ACSBG2: variants seen among roughly 807,000 people sequenced by gnomAD.
The protein encoded by ACSBG2 is acyl-CoA synthetase bubblegum family member 2.
Under a neutral mutation model 74.7 loss-of-function variants are expected in ACSBG2, and 62 were observed. The observed-to-expected ratio is 0.83, with a 90% confidence interval of 0.68 to 1.03. The LOEUF is 1.03. Among genes scored for constraint, ACSBG2 ranks in the 50% least tolerant of loss-of-function variants. The pLI, the probability that ACSBG2 is intolerant of heterozygous loss-of-function variation, is 0.00. For synonymous variants in ACSBG2, 309 were observed against 294.1 expected (o/e 1.05, Z -0.52); for missense variants, 730 against 817.6 (o/e 0.89, Z 1.31).
intron 14 of ACSBG2, chr19:6,191,309 A>C (rs2090556944): frequency 6.6e-6 from 1 of 150,904 alleles, no homozygotes; most frequent in Non-Finnish European, 1.5e-5. Context: ...CAATTGTCCT[A>C]TAGGCTGCCT....
intron 10 of ACSBG2, among the ~76,000 whole-genome samples, 185 bp from the exon 11 acceptor site, chr19:6,185,251 A>T (rs2090373300): frequency 6.6e-6 from 1 of 152,122 alleles, no homozygotes; most frequent in South Asian, 2.1e-4. Flanking sequence ...CAGTTCACAA[A>T]GCCTTTGGGA....
chr19:6,157,125 G>A (rs1383724426), intron 5 of ACSBG2, among the ~76,000 whole-genome samples: 1 of 152,048 alleles, frequency 6.6e-6, no homozygotes, highest in Non-Finnish European at 1.5e-5. Context: ...TTTTTTGTAT[G>A]TTTTAGTAGA....
rs751364914 is a variant in ACSBG2, at chr19:6,147,473, G to C, written c.95G>C (p.Arg32Pro). The change falls in exon 3 of 15, where the codon CGA becomes CCA. Residue 32 changes from arginine (R) to proline (P), a missense_variant. By Grantham distance (103) the Arg-to-Pro change is moderately radical. Transcript: ENST00000588485. ...ACTCCCAGGCTGTGGACCACCTGTC[G>C]AGATGGAGAAGTCCTTCTGAGGCTA... Reference protein sequence around the residue: ...EVTPRLWTTCRDGEVLLRLSK... With the variant: ...EVTPRLWTTCPDGEVLLRLSK... 8.1e-6 allele frequency: 13 copies of C among 1,614,040 alleles called. No individual in the cohort carries two copies. Among genetic ancestry groups the C allele is most frequent in the Non-Finnish European group, 1.0e-5 (12 of 1,180,034 alleles).
intron 7 of ACSBG2, among the ~76,000 whole-genome samples, chr19:6,166,318 G>GTC (rs1371560263): frequency 6.6e-6 from 1 of 150,518 alleles, no homozygotes; most frequent in Non-Finnish European, 1.5e-5. Context: ...GTGTGTGTGT[G>GTC]TGTGTGTGTG....
At chr19:6,186,352 A>G (rs2090408180) in intron 11 of ACSBG2, among the ~76,000 whole-genome samples, 1 of 152,250 alleles carries the variant, frequency 6.6e-6, no homozygotes, top group Non-Finnish European at 1.5e-5. Context: ...TATGAATATC[A>G]TAATTTTTAT....
intron 6 of ACSBG2, among the ~76,000 whole-genome samples, chr19:6,162,477 G>C (rs2089656815): frequency 2.1e-5 from 3 of 146,042 alleles, no homozygotes; most frequent in Admixed American, 1.4e-4. Context: ...TGAGACAGGA[G>C]AATGGCGTGA....
chr19:6,184,855 A>G (rs1273015392), intron 10 of ACSBG2, among the ~76,000 whole-genome samples: 2 of 143,642 alleles, frequency 1.4e-5, no homozygotes, highest in African/African-American at 5.2e-5. Flanking sequence ...AAAAAAAAAA[A>G]AAAAAAAAAA....
intron 10 of ACSBG2, 107 bp downstream of exon 10, chr19:6,183,379 G>A: frequency 1.1e-6 from 1 of 927,004 alleles, no homozygotes. Context: ...CTGACGTGGT[G>A]TCTCCAGAAT....
intron 4 of ACSBG2, among the ~76,000 whole-genome samples, chr19:6,155,131 C>T (rs2089375374): frequency 6.6e-6 from 1 of 152,110 alleles, no homozygotes; most frequent in Non-Finnish European, 1.5e-5. Context: ...AAAAGCACAA[C>T]AACTAGATCA....
At chr19:6,148,256 G>T (rs1013158375) in intron 3 of ACSBG2, 1 of 156,464 alleles carries the variant, frequency 6.4e-6, no homozygotes, top group African/African-American at 2.4e-5. Flanking sequence ...TTGGCAGGAA[G>T]TCTCAGCTCC....
chr19:6,160,621 A>C (rs1275973665), intron 5 of ACSBG2: 1 of 152,154 alleles, frequency 6.6e-6, no homozygotes, highest in Non-Finnish European at 1.5e-5. Context: ...ATCAACCAAG[A>C]TCCACAATTC....
intron 13 of ACSBG2, chr19:6,190,346 C>T (rs1321586570): frequency 2.1e-6 from 1 of 486,680 alleles, no homozygotes; most frequent in African/African-American, 2.0e-5. Context: ...CCACATCAGG[C>T]ACAGAATGCA....
In ACSBG2 at chr19:6,144,004, T is replaced by G. The variant is rs573644342; in HGVS notation, c.67+2394T>G. ...TTGTTTTTTTGTTAGTTAGTTTGTTTGTTTGGTTTTTGAGATGGAGTCTCG... is the reference window on the plus strand; with the variant it reads ...TTGTTTTTTTGTTAGTTAGTTTGTTGGTTTGGTTTTTGAGATGGAGTCTCG... On this transcript the variant is annotated intron_variant, in intron 2 of 14. Coordinates refer to ENST00000588485, the MANE Select transcript of ACSBG2 (RefSeq NM_030924.5). Among the ~76,000 whole-genome samples, 9 of 152,202 alleles carry G rather than the reference T, an allele frequency of 5.9e-5. No homozygotes were observed. The South Asian group carries it at 1.7e-3, about 28-fold the overall frequency.
intron 2 of ACSBG2, among the ~76,000 whole-genome samples, chr19:6,145,429 CAA>C (rs34273390): frequency 0.022 from 2,758 of 127,340 alleles, 98 homozygotes; most frequent in African/African-American, 0.07. Flanking sequence ...GACTCCATCT[CAA>C]AAAAAAAAAA....
intron 14 of ACSBG2, 116 bp downstream of exon 14, chr19:6,190,808 T>TACAA: frequency 1.3e-5 from 5 of 387,400 alleles, no homozygotes; most frequent in East Asian, 5.0e-5. Flanking sequence ...CATACACACA[T>TACAA]ACATACACAC....
intron 4 of ACSBG2, 21 bp from the exon 5 acceptor site, chr19:6,156,410 G>C: frequency 6.3e-7 from 1 of 1,577,804 alleles, no homozygotes; most frequent in Non-Finnish European, 8.6e-7. Flanking sequence ...ATGCACACAC[G>C]AATTTGTTTT....
chr19:6,161,387 G>A, intron 6 of ACSBG2, 92 bp downstream of exon 6: 2 of 1,262,056 alleles, frequency 1.6e-6, no homozygotes, highest in Middle Eastern at 2.1e-4. Flanking sequence ...GCAGAGGGAG[G>A]AGGTCGGACC....
chr19:6,182,771 A>G lies in ACSBG2; in HGVS notation c.927A>G (p.Leu309=), dbSNP rs779794020. Residue 309 remains leucine, a synonymous_variant, in exon 9 of 15, where the codon CTA becomes CTG. Coordinates refer to ENST00000588485, the MANE Select transcript of ACSBG2 (RefSeq NM_030924.5). Reference sequence around the variant, plus strand: ...TACAGGGCACCTTGGTAAGTACTCTAAAGGAGGTAAAACCTACTGTCTTCA... The same window carrying G: ...TACAGGGCACCTTGGTAAGTACTCTGAAGGAGGTAAAACCTACTGTCTTCA... ...DALKGTLVST[L]KEVKPTVFIG... 1 of 1,614,178 alleles carries G rather than the reference A, an allele frequency of 6.2e-7. No individual in the cohort carries two copies. The highest frequency in any genetic ancestry group is 1.1e-5 in the South Asian group (1 of 91,072).
At chr19:6,184,911 T>C (rs1219997750) in intron 10 of ACSBG2, among the ~76,000 whole-genome samples, 4 of 143,830 alleles carry the variant, frequency 2.8e-5, no homozygotes, top group Admixed American at 2.7e-4. Context: ...TTTCTTTCAT[T>C]TTTTGTTTTT....
Sources: allele counts gnomAD v4.1 joint callset (sites outside exome capture counted in the v4.1 genomes callset), GRCh38; gene constraint gnomAD v4.1.1; transcripts MANE v1.5; gene names NCBI Gene and HGNC (gene_info 2026-07-23, HGNC 2026-07-21).